IRAG2: variants seen among roughly 807,000 people sequenced by gnomAD.
IRAG2 encodes the protein lymphoid restricted membrane protein.
IRAG2 carries 45 observed loss-of-function variants against 69.9 expected under a neutral mutation model. The ratio of observed to expected loss-of-function variants is 0.64; its 90% CI spans 0.51 to 0.83. The LOEUF is 0.83. Among genes scored for constraint, IRAG2 ranks in the 40% least tolerant of loss-of-function variants. The probability of loss-of-function intolerance (pLI) is 0.00; values close to 1 mark genes in which losing one functional copy is unlikely to be tolerated. For missense variants in IRAG2, 520 were observed against 587.0 expected, an observed-to-expected ratio of 0.89 and a Z score of 1.18; for synonymous variants, 193 against 202.4, an observed-to-expected ratio of 0.95 and a Z score of 0.40.
chr12:25,013,375 G>A (rs868141398), intron 3 of IRAG2, among the ~76,000 whole-genome samples: 34 of 152,304 alleles, frequency 2.2e-4, no homozygotes, highest in African/African-American at 7.7e-4. Flanking sequence ...CTACTTGTGA[G>A]GCTGAAGCAG....
intron 9 of IRAG2, among the ~76,000 whole-genome samples, chr12:25,027,924 G>GTTTA (rs143888235): frequency 0.032 from 4,800 of 151,616 alleles, 149 homozygotes; most frequent in African/African-American, 0.082. Context: ...ATGTTTGTTT[G>GTTTA]TTTATTTATT....
At chr12:25,070,096 T>C (rs1946238934) in intron 6 of IRAG2, among the ~76,000 whole-genome samples, 1 of 152,168 alleles carries the variant, frequency 6.6e-6, no homozygotes. Context: ...CTTCTTTCTT[T>C]TACATTTTAA....
intron 1 of IRAG2, among the ~76,000 whole-genome samples, chr12:25,055,115 T>C (rs967285079): frequency 6.6e-6 from 1 of 152,238 alleles, no homozygotes; most frequent in African/African-American, 2.4e-5. Flanking sequence ...CTAAGTTGCA[T>C]CAGCACATTG....
Position 25,076,096 on chromosome 12 carries a change from T to C in IRAG2, c.25-3148T>C, listed in dbSNP as rs540598840. Among the ~76,000 whole-genome samples the C allele has an allele frequency of 4.6e-5, 7 of 152,312 alleles. No individual in the cohort carries two copies. The South Asian group carries it at 1.4e-3, about 32-fold the overall frequency. ...ACCAGATCAAAAAAAAAATCTTCTT[T>C]ACTCTAGTTAGTCTCACAAGAAGAA... is the stretch of plus-strand genomic sequence containing the variant. On this transcript the variant is annotated intron_variant, in intron 6 of 21. Coordinates refer to ENST00000556887, the MANE Select transcript of IRAG2 (RefSeq NM_001366544.2).
chr12:25,016,119 C>T (rs1050728458), intron 5 of IRAG2, among the ~76,000 whole-genome samples: 3 of 151,858 alleles, frequency 2.0e-5, no homozygotes, highest in African/African-American at 7.3e-5. Flanking sequence ...TGGCTTGAAC[C>T]CGGAAGGTGG....
chr12:25,062,948 C>T (rs991312235), intron 3 of IRAG2, 48 bp downstream of exon 3: 3 of 398,756 alleles, frequency 7.5e-6, no homozygotes, highest in African/African-American at 6.2e-5. Context: ...TGTGAATCAA[C>T]AACTATCCTG....
chr12:25,040,161 A>T lies in IRAG2; in HGVS notation c.2144+2024A>T, dbSNP rs751888058. On this transcript the variant is annotated intron_variant, in intron 16 of 38. Coordinates refer to the IRAG2 transcript ENST00000636465. ...GGCTTTTGGACACAATTTAAAACTG[A>T]CAAAGCCACATAAAGGCTACACACA... 7.9e-4 allele frequency among the ~76,000 whole-genome samples: 121 copies of T among 152,354 alleles called. 1 individual carries two copies. The highest frequency in any genetic ancestry group is 3.4e-3 in the Middle Eastern group (1 of 294).
At chr12:25,097,898 A>G (rs958240192) in intron 15 of IRAG2, among the ~76,000 whole-genome samples, 3 of 152,212 alleles carry the variant, frequency 2.0e-5, no homozygotes, top group African/African-American at 4.8e-5. Context: ...ACATTTTTCA[A>G]TAACATGCTC....
chr12:25,089,210 A>T (rs902954202), intron 11 of IRAG2, among the ~76,000 whole-genome samples: 3 of 152,134 alleles, frequency 2.0e-5, no homozygotes, highest in Non-Finnish European at 4.4e-5. Flanking sequence ...TATTATTATT[A>T]CTACTATTAT....
At chr12:25,023,309 G>T (rs550768983) in intron 7 of IRAG2, among the ~76,000 whole-genome samples, 2 of 152,128 alleles carry the variant, frequency 1.3e-5, no homozygotes, top group Non-Finnish European at 2.9e-5. Flanking sequence ...ATAAAGAAAT[G>T]CATATTAACA....
At chr12:25,018,936 C>T (rs1001385020) in intron 6 of IRAG2, among the ~76,000 whole-genome samples, 1 of 152,206 alleles carries the variant, frequency 6.6e-6, no homozygotes, top group Non-Finnish European at 1.5e-5. Flanking sequence ...TTGATATTGT[C>T]CAATTGTCCC....
chr12:25,062,604 G>C (rs764232898), intron 2 of IRAG2, among the ~76,000 whole-genome samples: 1 of 152,136 alleles, frequency 6.6e-6, no homozygotes, highest in Non-Finnish European at 1.5e-5. Flanking sequence ...TCTTGTTCCC[G>C]ATCTTCAGAT....
intron 10 of IRAG2, among the ~76,000 whole-genome samples, chr12:25,087,177 TTTTTTG>T (rs1947675643): frequency 7.8e-6 from 1 of 127,472 alleles, no homozygotes; most frequent in East Asian, 2.1e-4. Flanking sequence ...TTTTTTTTTT[TTTTTTG>T]TTGAGACAGA....
chr12:25,083,455 C>A lies in IRAG2; in HGVS notation c.277C>A (p.Gln93Lys). 1 of 1,611,898 alleles carries A rather than the reference C, an allele frequency of 6.2e-7. No individual in the cohort carries two copies. The highest frequency in any genetic ancestry group is 8.5e-7 in the Non-Finnish European group (1 of 1,178,138). The change falls in exon 10 of 22, where the codon CAA (glutamine) becomes AAA (lysine). Residue 93 changes from glutamine (Q) to lysine (K), a missense_variant. By Grantham distance (53) the Gln-to-Lys change is moderately conservative. Coordinates refer to ENST00000556887, the MANE Select transcript of IRAG2 (RefSeq NM_001366544.2). The stretch of plus-strand genomic sequence containing the variant: ...TCCAGCTCATGATAATATTGCATTC[C>A]AAGACTCTACGAGTAAGGATAAAAC... ...TSPAHDNIAF[Q>K]DSTSKDKTIL...
intron 6 of IRAG2, among the ~76,000 whole-genome samples, chr12:25,075,287 G>A (rs761482744): frequency 6.6e-5 from 10 of 151,924 alleles, no homozygotes; most frequent in African/African-American, 1.2e-4. Flanking sequence ...AGAAAATCAC[G>A]TTTATTTAAG....
chr12:25,026,867 G>C lies in IRAG2; in HGVS notation c.1461+1G>C. The C allele has an allele frequency of 8.2e-7, 1 of 1,219,800 alleles. No homozygotes were observed. The highest frequency in any genetic ancestry group is 1.0e-6 in the Non-Finnish European group (1 of 976,786). 75.6% of individuals were successfully genotyped at this position (1,219,800 alleles called of 1,614,324 possible). ...GTCTAAAACTGAGACAGAGCACCAAGTAAGCACTTCCCAAATACTGGTAAA... is the reference window on the plus strand; with the variant it reads ...GTCTAAAACTGAGACAGAGCACCAACTAAGCACTTCCCAAATACTGGTAAA... On this transcript the variant is annotated splice_donor_variant, in intron 9 of 38. Transcript: ENST00000636465. LOFTEE classifies it high-confidence loss of function.
intron 1 of IRAG2, among the ~76,000 whole-genome samples, chr12:25,058,133 A>G (rs1455872180): frequency 6.6e-6 from 1 of 152,230 alleles, no homozygotes; most frequent in African/African-American, 2.4e-5. Flanking sequence ...CTGTTAGGAC[A>G]TAGCATAGCT....
chr12:25,036,787 TC>T, intron 15 of IRAG2: 1 of 396,038 alleles, frequency 2.5e-6, no homozygotes, highest in Non-Finnish European at 4.5e-6. Context: ...ATTGTAGTCT[TC>T]TGCTATCTTA....
chr12:25,021,578 G>C (rs752979993), intron 7 of IRAG2, among the ~76,000 whole-genome samples: 2 of 152,192 alleles, frequency 1.3e-5, no homozygotes, highest in Middle Eastern at 3.2e-3. Flanking sequence ...CTTTAAGTCA[G>C]ATGCCAGAGA....
Sources: gnomAD v4.1 joint callset for allele counts (sites outside exome capture counted in the v4.1 genomes callset) on GRCh38, gnomAD v4.1.1 for gene constraint, MANE v1.5 for transcripts, NCBI Gene and HGNC (gene_info 2026-07-23, HGNC 2026-07-21) for gene names.